MRTFB: variants seen among roughly 807,000 people sequenced by gnomAD.
The protein encoded by MRTFB is myocardin-related transcription factor B.
Under a neutral mutation model 104.2 loss-of-function variants are expected in MRTFB, and 29 were observed. The ratio of observed to expected loss-of-function variants is 0.28; its 90% CI spans 0.21 to 0.38. The LOEUF is 0.38. Ranked by LOEUF, MRTFB falls within the 10% of genes least tolerant of loss-of-function variation. The pLI is 1.00. For synonymous variants in MRTFB, 535 were observed against 519.5 expected, an observed-to-expected ratio of 1.03 and a Z score of -0.41; for missense variants, 1,270 against 1,341.6, an observed-to-expected ratio of 0.95 and a Z score of 0.83.
rs116509814 is a variant in MRTFB, at chr16:14,218,964, C to T, written c.659C>T (p.Ser220Leu). ...CCAAGTGAGCCAAAAGTTAGTGAAT[C>T]GCCATCTCCTGTGACTACAAACACT... ...ASPSEPKVSE[S>L]PSPVTTNTPA... The change falls in exon 8 of 17, where the codon TCG (serine) becomes TTG (leucine). Residue 220 changes from serine (S) to leucine (L), a missense_variant. By Grantham distance (145) the Ser-to-Leu change is moderately radical (BLOSUM62 -2). This residue lies in a region of MRTFB where 1,144 missense variants were observed against 1,131.5 expected (regional missense o/e 1.01). Transcript: ENST00000571589. 55 of 1,613,980 alleles carry T rather than the reference C, an allele frequency of 3.4e-5. No individual in the cohort carries two copies. The African/African-American group carries it at 3.9e-4, about 11-fold the overall frequency.
intron 3 of MRTFB, chr16:14,170,519 G>A (rs2039389303): frequency 6.6e-6 from 1 of 152,128 alleles, no homozygotes; most frequent in South Asian, 2.1e-4. Context: ...AATTTCAATG[G>A]CTATACAATA....
At chr16:14,041,888 TGCACTCGAGCCTGG>T in the MRTFB span, among the ~76,000 whole-genome samples, 1 of 152,126 alleles carries the variant, frequency 6.6e-6, no homozygotes, top group African/African-American at 2.4e-5. Flanking sequence ...ATTGCGCCAT[TGCACTCGAGCCTGG>T]GCAACAAGAG....
chr16:14,043,422 C>T, the MRTFB span, among the ~76,000 whole-genome samples: 2 of 152,050 alleles, frequency 1.3e-5, no homozygotes, highest in Non-Finnish European at 2.9e-5. Context: ...CATTTCTCCT[C>T]GGGTGGTCTC....
chr16:14,011,106 T>C, the MRTFB span, among the ~76,000 whole-genome samples: 1 of 152,202 alleles, frequency 6.6e-6, no homozygotes, highest in African/African-American at 2.4e-5. Context: ...TTTGGACAAA[T>C]CTCTTCCCTT....
At chr16:14,255,695 T>C (rs1335389497) in intron 15 of MRTFB, among the ~76,000 whole-genome samples, 2 of 152,122 alleles carry the variant, frequency 1.3e-5, no homozygotes, top group East Asian at 1.9e-4. Context: ...AGTGGATCTG[T>C]GTGGTTGTAG....
chr16:14,144,153 T>G (rs919635687), intron 3 of MRTFB: 1 of 152,254 alleles, frequency 6.6e-6, no homozygotes, highest in Non-Finnish European at 1.5e-5. Context: ...AGTTGGTTTT[T>G]AAGCCAATGT....
intron 3 of MRTFB, among the ~76,000 whole-genome samples, chr16:14,205,112 T>G (rs1038642884): frequency 6.6e-6 from 1 of 152,208 alleles, no homozygotes; most frequent in Admixed American, 6.5e-5. Flanking sequence ...AAATCTATGC[T>G]TAAAGACAGA....
intron 3 of MRTFB, chr16:14,141,032 C>CA: frequency 2.9e-6 from 1 of 344,406 alleles, no homozygotes; most frequent in Non-Finnish European, 5.4e-6. Context: ...CAGATGATTT[C>CA]ATGCTGGAAT....
chr16:14,156,199 A>G (rs1225512549), intron 3 of MRTFB, among the ~76,000 whole-genome samples: 2 of 152,200 alleles, frequency 1.3e-5, no homozygotes, highest in South Asian at 2.1e-4. Context: ...CTAGTTTCTT[A>G]TGGCAGGAAG....
Position 14,099,020 on chromosome 16 carries a change from A to G in MRTFB, c.-64+19666A>G, listed in dbSNP as rs1596816868. Reference sequence around the variant, plus strand: ...GAAATCTAGTAGTGTTAGTCCTCCAACTTTTTAATTTTTTACAAAGTTGTT... The same window carrying G: ...GAAATCTAGTAGTGTTAGTCCTCCAGCTTTTTAATTTTTTACAAAGTTGTT... On this transcript the variant is annotated intron_variant, in intron 2 of 16. Coordinates refer to ENST00000571589, the MANE Select transcript of MRTFB (RefSeq NM_001308142.2). Among the ~76,000 whole-genome samples, 4 of 152,266 alleles carry G rather than the reference A, an allele frequency of 2.6e-5. No homozygotes were observed. In the Middle Eastern group the frequency reaches 0.014, roughly 518 times the overall value.
the MRTFB span, among the ~76,000 whole-genome samples, chr16:14,060,928 G>C: frequency 4.6e-5 from 7 of 152,140 alleles, 1 homozygote; most frequent in East Asian, 3.9e-4. Context: ...GGGCAGATCA[G>C]GAGGTCAGGA....
chr16:14,201,773 T>A (rs2040716162), intron 3 of MRTFB, among the ~76,000 whole-genome samples: 1 of 152,216 alleles, frequency 6.6e-6, no homozygotes, highest in South Asian at 2.1e-4. Context: ...ATTTACATAC[T>A]TGGCATAATA....
At chr16:14,134,998 T>G (rs1813426467) in intron 2 of MRTFB, among the ~76,000 whole-genome samples, 2 of 152,244 alleles carry the variant, frequency 1.3e-5, no homozygotes, top group African/African-American at 4.8e-5. Flanking sequence ...TCTCTTCTTT[T>G]CAGTTGTCAT....
chr16:14,031,034 G>T, the MRTFB span, among the ~76,000 whole-genome samples: 1 of 152,272 alleles, frequency 6.6e-6, no homozygotes, highest in East Asian at 1.9e-4. Flanking sequence ...ACAGGACAAA[G>T]AATTATACAA....
chr16:14,122,558 G>C (rs965090109), intron 2 of MRTFB, among the ~76,000 whole-genome samples: 2 of 152,092 alleles, frequency 1.3e-5, no homozygotes, highest in Admixed American at 6.5e-5. Flanking sequence ...TCTTATGTTA[G>C]TTTGCTGAGA....
rs2043927564 is a variant in MRTFB, at chr16:14,265,776, G to T, written c.*4332G>T. On this transcript the variant is annotated 3_prime_UTR_variant, in exon 17 of 17. Transcript: ENST00000571589. ...CTCCATGCAAACACTTTGCTCTGTG[G>T]TGTCACAGCTTTGTGACAATAAGAT... The T allele has an allele frequency of 1.3e-5, 2 of 152,186 alleles. No individual in the cohort carries two copies. The highest frequency in any genetic ancestry group is 2.9e-5 in the Non-Finnish European group (2 of 68,038). The allele number at this position is 152,186 out of a possible 1,614,324, so 9.4% of individuals were successfully genotyped here.
chr16:14,081,477 G>C (rs891866648), intron 2 of MRTFB, among the ~76,000 whole-genome samples: 2 of 152,232 alleles, frequency 1.3e-5, no homozygotes, highest in East Asian at 1.9e-4. Context: ...ATTTTTAGTA[G>C]AGACGGGGTT....
At chr16:14,063,605 G>A in the MRTFB span, among the ~76,000 whole-genome samples, 1 of 152,174 alleles carries the variant, frequency 6.6e-6, no homozygotes, top group African/African-American at 2.4e-5. Flanking sequence ...AACATGTGAT[G>A]TTTGGTTTTC....
intron 8 of MRTFB, among the ~76,000 whole-genome samples, chr16:14,232,686 C>T (rs1024251229): frequency 2.0e-5 from 3 of 152,208 alleles, no homozygotes; most frequent in African/African-American, 7.2e-5. Context: ...CGCACACCCA[C>T]GGTCTCAGCG....
Sources: allele counts gnomAD v4.1 joint callset (sites outside exome capture counted in the v4.1 genomes callset), GRCh38; gene constraint gnomAD v4.1.1; regional missense constraint gnomAD v4.1.1; transcripts MANE v1.5; gene names NCBI Gene and HGNC (gene_info 2026-07-23, HGNC 2026-07-21).